The following COX20 variants were observed in gnomAD, a reference collection of about 807,000 sequenced individuals.
COX20 encodes the protein cytochrome c oxidase assembly protein COX20, mitochondrial.
Under a neutral mutation model 14.3 loss-of-function variants are expected in COX20, and 14 were observed. That is an observed-to-expected ratio of 0.98 (90% CI 0.65 to 1.53). COX20 has a LOEUF of 1.53. COX20 is among the 40% of genes most tolerant of loss of function. The probability of loss-of-function intolerance (pLI) is 0.00; values close to 1 mark genes in which losing one functional copy is unlikely to be tolerated. For synonymous variants in COX20, 56 were observed against 51.7 expected (o/e 1.08, Z -0.36); for missense variants, 149 against 142.1 (o/e 1.05, Z -0.25).
rs936835957 is a variant in COX20, at chr1:244,844,597, A to C, written c.*1421A>C. The C allele has an allele frequency of 2.0e-5, 3 of 152,180 alleles. No individual in the cohort carries two copies. Among genetic ancestry groups the C allele is most frequent in the Admixed American group, 2.0e-4 (3 of 15,272 alleles). The allele number at this position is 152,180 out of a possible 1,614,324, so 9.4% of individuals were successfully genotyped here. A position where few individuals can be genotyped will look rare whatever the true frequency, so the allele number is the denominator to read the frequency against. On this transcript the variant is annotated 3_prime_UTR_variant, in exon 4 of 4. Transcript: ENST00000411948. ...ACAGGGTGAAACCCTGTCTCGTCTA[A>C]AAATACAAAAATTAGCCGGGCGTGG... is the stretch of plus-strand genomic sequence containing the variant.
chr1:244,836,337 T>C, intron 1 of COX20: 2 of 664,468 alleles, frequency 3.0e-6, no homozygotes, highest in South Asian at 3.6e-5. Context: ...TTCATTCCTC[T>C]GCCTAACATC....
chr1:244,842,301 G>A (rs771393664), intron 3 of COX20, 43 bp downstream of exon 3: 5 of 1,334,792 alleles, frequency 3.7e-6, no homozygotes, highest in Non-Finnish European at 5.4e-6. Flanking sequence ...ATTATAGTAG[G>A]TTATCTAATT....
intron 1 of COX20, among the ~76,000 whole-genome samples, chr1:244,838,956 A>T (rs1458523664): frequency 6.6e-6 from 1 of 152,034 alleles, no homozygotes; most frequent in East Asian, 1.9e-4. Context: ...TTCCTGGCTA[A>T]TTTTTGTACT....
chr1:244,838,500 A>G (rs78655555), intron 1 of COX20, among the ~76,000 whole-genome samples: 3,374 of 152,278 alleles, frequency 0.022, 38 homozygotes, highest in Middle Eastern at 0.027. Flanking sequence ...AAAAATGTCA[A>G]TGAAATAGAA....
intron 1 of COX20, among the ~76,000 whole-genome samples, chr1:244,839,001 G>C (rs900764189): frequency 6.6e-6 from 1 of 152,198 alleles, no homozygotes. Flanking sequence ...TGTTGGCCAG[G>C]CTGGTCTCGA....
chr1:244,839,310 T>C (rs1680102521), intron 1 of COX20, among the ~76,000 whole-genome samples: 1 of 152,150 alleles, frequency 6.6e-6, no homozygotes, highest in African/African-American at 2.4e-5. Context: ...GTCTCTAATT[T>C]GATCAGATCT....
rs1680358668 is a variant in COX20 at position 244,844,723 on chromosome 1, C to T, written c.*1547C>T. Reference sequence around the variant, plus strand: ...GAGGTTGCAGTAAGCCAAGATCGCGCCATTGCACTCTAGCCTAGGTGACAG... The same window carrying T: ...GAGGTTGCAGTAAGCCAAGATCGCGTCATTGCACTCTAGCCTAGGTGACAG... On this transcript the variant is annotated 3_prime_UTR_variant, in exon 4 of 4. Coordinates refer to ENST00000411948, the MANE Select transcript of COX20 (RefSeq NM_198076.6). 6.6e-6 allele frequency: 1 copy of T among 151,762 alleles called. No individual in the cohort carries two copies. Among genetic ancestry groups the T allele is most frequent in the South Asian group, 2.1e-4 (1 of 4,794 alleles). 9.4% of individuals were successfully genotyped at this position (151,762 alleles called of 1,614,324 possible). A position where few individuals can be genotyped will look rare whatever the true frequency, so the allele number is the denominator to read the frequency against.
intron 1 of COX20, among the ~76,000 whole-genome samples, 155 bp downstream of exon 1, chr1:244,835,911 C>G (rs569027116): frequency 1.4e-5 from 2 of 144,650 alleles, no homozygotes; most frequent in African/African-American, 2.4e-5. Flanking sequence ...TCCCAAGCCT[C>G]CAACATTTTA....
intron 1 of COX20, chr1:244,840,663 A>AT (rs1293911759): frequency 1.3e-5 from 2 of 152,256 alleles, no homozygotes; most frequent in African/African-American, 4.8e-5. Flanking sequence ...TTCTTGCTTT[A>AT]TTATGAACCA....
Position 244,843,883 on chromosome 1 carries a change from T to C in COX20, c.*707T>C, listed in dbSNP as rs908855995. 6.6e-6 allele frequency: 1 copy of C among 152,218 alleles called. No homozygotes were observed. Among genetic ancestry groups the C allele is most frequent in the African/African-American group, 2.4e-5 (1 of 41,460 alleles). The allele number at this position is 152,218 out of a possible 1,614,324, so 9.4% of individuals were successfully genotyped here. On this transcript the variant is annotated 3_prime_UTR_variant, in exon 4 of 4. Transcript: ENST00000411948. ...TTTGAAAGTCAATCAGCTGCTCCCA[T>C]TAAAATATTATTTAAAATACAATAC... is the stretch of plus-strand genomic sequence containing the variant.
rs544549282 is a variant in COX20 at position 244,842,086 on chromosome 1, A to G, written c.157+28A>G. 193 of 1,539,808 alleles carry G rather than the reference A, an allele frequency of 1.3e-4. 1 individual carries two copies. In the South Asian group the frequency reaches 1.9e-3, roughly 15 times the overall value. On this transcript the variant is annotated intron_variant, in intron 2 of 3. Transcript: ENST00000411948. Reference sequence around the variant, plus strand: ...GAGTATCTGTATTTTTTATTTCTCTATGTACTAAAAAAAGCATTTCTCTAC... The same window carrying G: ...GAGTATCTGTATTTTTTATTTCTCTGTGTACTAAAAAAAGCATTTCTCTAC...
chr1:244,838,416 T>C (rs1680067578), intron 1 of COX20, among the ~76,000 whole-genome samples: 1 of 152,108 alleles, frequency 6.6e-6, no homozygotes, highest in Non-Finnish European at 1.5e-5. Context: ...TTGGGATACC[T>C]AGGAAGAGAC....
intron 1 of COX20, among the ~76,000 whole-genome samples, chr1:244,837,781 A>G (rs1418293766): frequency 6.6e-6 from 1 of 152,218 alleles, no homozygotes; most frequent in Non-Finnish European, 1.5e-5. Context: ...TCGTTCGGTA[A>G]TAACCATCTC....
At position 244,835,747 on chromosome 1, in the gene COX20, G is replaced by C; in HGVS notation, c.33G>C (p.Glu11Asp). 7.9e-7 allele frequency: 1 copy of C among 1,272,438 alleles called. No homozygotes were observed. Among genetic ancestry groups the C allele is most frequent in the Non-Finnish European group, 9.9e-7 (1 of 1,006,038 alleles). The allele number at this position is 1,272,438 out of a possible 1,614,324, so 78.8% of individuals were successfully genotyped here. A position where few individuals can be genotyped will look rare whatever the true frequency, so the allele number is the denominator to read the frequency against. ...CCCCGCCGGAGCCCGGTGAGCCCGA[G>C]GAGAGGAAGGTAACCTGGGGGTCGG... MAAPPEPGEP[E>D]ERKSLKLLGF... Residue 11 changes from glutamate (E) to aspartate (D), a missense_variant, in exon 1 of 4, where the codon GAG becomes GAC. Transcript: ENST00000411948.
chr1:244,835,885 C>T, intron 1 of COX20, 129 bp downstream of exon 1: 1 of 661,836 alleles, frequency 1.5e-6, no homozygotes. Flanking sequence ...ACTATTTTAA[C>T]TGTTCCTAGT....
At chr1:244,840,575 A>G (rs1680161432) in intron 1 of COX20, 1 of 151,580 alleles carries the variant, frequency 6.6e-6, no homozygotes, top group Middle Eastern at 3.2e-3. Context: ...CTTTGAAGCA[A>G]TCCTATGTTA....
chr1:244,838,764 A>T (rs1398692323), intron 1 of COX20, among the ~76,000 whole-genome samples: 1 of 151,980 alleles, frequency 6.6e-6, no homozygotes, highest in African/African-American at 2.4e-5. Context: ...TAGGTGGCTG[A>T]TGAGAGGAGA....
At position 244,836,475 on chromosome 1, in the gene COX20, A is replaced by G. The variant is rs1558174861; in HGVS notation, c.42+719A>G. 9 of 1,550,194 alleles carry G rather than the reference A, an allele frequency of 5.8e-6. No individual in the cohort carries two copies. In the South Asian group the frequency reaches 1.1e-4, roughly 18 times the overall value. On this transcript the variant is annotated intron_variant, in intron 1 of 3. Coordinates refer to ENST00000411948, the MANE Select transcript of COX20 (RefSeq NM_198076.6). Reference sequence around the variant, plus strand: ...CAAAGCTGACTTACGTACTTTCCCCATCTTCCCAGGCATCTTGTACGTCGT... The same window carrying G: ...CAAAGCTGACTTACGTACTTTCCCCGTCTTCCCAGGCATCTTGTACGTCGT...
At chr1:244,838,835 C>T (rs558165258) in intron 1 of COX20, among the ~76,000 whole-genome samples, 7 of 152,078 alleles carry the variant, frequency 4.6e-5, no homozygotes, top group Non-Finnish European at 1.0e-4. Flanking sequence ...CTCTGTTGCC[C>T]AGGCTGGAGT....
Sources: allele counts gnomAD v4.1 joint callset (sites outside exome capture counted in the v4.1 genomes callset), GRCh38; gene constraint gnomAD v4.1.1; transcripts MANE v1.5; gene names NCBI Gene and HGNC (gene_info 2026-07-23, HGNC 2026-07-21).